Variants in SLC13A1 observed in about 807,000 individuals in gnomAD.
SLC13A1 encodes solute carrier family 13 member 1.
In SLC13A1, 65 loss-of-function variants were observed where a neutral mutation model predicts 70.0. The ratio of observed to expected loss-of-function variants is 0.93; its 90% CI spans 0.76 to 1.14. The LOEUF is 1.14. SLC13A1 is among the 50% of genes most tolerant of loss of function. SLC13A1 has a pLI of 0.00. For missense variants in SLC13A1, 726 were observed against 717.8 expected (o/e 1.01, Z -0.13); for synonymous variants, 275 against 250.5 (o/e 1.10, Z -0.92).
intron 6 of SLC13A1, among the ~76,000 whole-genome samples, chr7:123,159,860 A>T (rs1794828349): frequency 6.6e-6 from 1 of 152,180 alleles, no homozygotes; most frequent in African/African-American, 2.4e-5. Flanking sequence ...AAAGAGATAC[A>T]CCTAAAATAT....
At chr7:123,181,561 CCTT>C (rs1200211242) in intron 1 of SLC13A1, among the ~76,000 whole-genome samples, 1 of 152,108 alleles carries the variant, frequency 6.6e-6, no homozygotes, top group Non-Finnish European at 1.5e-5. Flanking sequence ...GCCTTCCTCT[CCTT>C]CTAACTAAAA....
chr7:123,180,964 A>G lies in SLC13A1; in HGVS notation c.228+9T>C. ...GAAATCAACTTATGACATTGGCAAG[A>G]GGACTTACCTTCTTAGAAGGCATGA... is the stretch of plus-strand genomic sequence containing the variant. On this transcript the variant is annotated intron_variant, in intron 2 of 14. Transcript: ENST00000194130. 3.1e-6 allele frequency: 5 copies of G among 1,604,768 alleles called. No individual in the cohort carries two copies. Among genetic ancestry groups the G allele is most frequent in the Non-Finnish European group, 4.3e-6 (5 of 1,175,494 alleles).
intron 11 of SLC13A1, among the ~76,000 whole-genome samples, chr7:123,124,857 G>A (rs1793506184): frequency 6.6e-6 from 1 of 152,120 alleles, no homozygotes; most frequent in Admixed American, 6.5e-5. Flanking sequence ...CCAGGGCAGT[G>A]GCACAATCAT....
chr7:123,148,855 T>G (rs1794455496), intron 6 of SLC13A1, among the ~76,000 whole-genome samples: 1 of 152,124 alleles, frequency 6.6e-6, no homozygotes, highest in Non-Finnish European at 1.5e-5. Flanking sequence ...TTTTAAACCT[T>G]CAACATTTGG....
chr7:123,170,114 T>A (rs1795219950), intron 3 of SLC13A1, among the ~76,000 whole-genome samples: 1 of 152,090 alleles, frequency 6.6e-6, no homozygotes, highest in African/African-American at 2.4e-5. Context: ...GGGAAAAAAA[T>A]GATCTCTTTT....
intron 6 of SLC13A1, among the ~76,000 whole-genome samples, chr7:123,150,921 A>C (rs1585336454): frequency 6.6e-6 from 1 of 152,072 alleles, no homozygotes; most frequent in Admixed American, 6.6e-5. Flanking sequence ...TTCTCCTTTA[A>C]AAATATCTTA....
intron 11 of SLC13A1, among the ~76,000 whole-genome samples, chr7:123,125,368 T>G (rs1240721200): frequency 6.6e-6 from 1 of 152,170 alleles, no homozygotes; most frequent in Admixed American, 6.6e-5. Flanking sequence ...TTCTCACTTC[T>G]GCAAAGTAAG....
chr7:123,166,045 C>G (rs553772492), intron 6 of SLC13A1, among the ~76,000 whole-genome samples: 1 of 152,120 alleles, frequency 6.6e-6, no homozygotes, highest in South Asian at 2.1e-4. Flanking sequence ...TATACTTCCT[C>G]GCTGCAGTAC....
chr7:123,165,999 A>T (rs539965770), intron 6 of SLC13A1, among the ~76,000 whole-genome samples: 36 of 152,066 alleles, frequency 2.4e-4, no homozygotes, highest in African/African-American at 8.4e-4. Context: ...CTGCTTGCAC[A>T]TGCTCTCGTC....
chr7:123,169,371 C>A, intron 3 of SLC13A1, 36 bp from the exon 4 acceptor site: 1 of 1,572,892 alleles, frequency 6.4e-7, no homozygotes, highest in South Asian at 1.1e-5. Context: ...GAGCTGTGCT[C>A]TTAGCTTAAC....
At chr7:123,187,328 GC>G (rs1795836032) in intron 1 of SLC13A1, among the ~76,000 whole-genome samples, 1 of 151,920 alleles carries the variant, frequency 6.6e-6, no homozygotes, top group African/African-American at 2.4e-5. Context: ...TATATTAGAA[GC>G]TTTTTAGCAG....
chr7:123,135,435 A>G (rs1177065914), intron 7 of SLC13A1, among the ~76,000 whole-genome samples: 1 of 152,148 alleles, frequency 6.6e-6, no homozygotes, highest in African/African-American at 2.4e-5. Context: ...AAAAGCAATA[A>G]CATAAAGATA....
chr7:123,167,201 C>A (rs1013606253), intron 6 of SLC13A1, among the ~76,000 whole-genome samples: 2 of 152,124 alleles, frequency 1.3e-5, no homozygotes, highest in Non-Finnish European at 2.9e-5. Flanking sequence ...TGGGTATATA[C>A]CCAAAGGATT....
rs1008359713 is a variant in SLC13A1, at chr7:123,125,792, G to A, written c.1134-117C>T. On this transcript the variant is annotated intron_variant, in intron 10 of 14. Transcript: ENST00000194130. The stretch of plus-strand genomic sequence containing the variant: ...GTTATTATCAGTAGTAGGTGGTGTA[G>A]GTTATTTATCCTCAATAATCTGCCC... The A allele has an allele frequency of 7.6e-5, 54 of 706,844 alleles. 1 individual carries two copies. The highest frequency in any genetic ancestry group is 1.3e-4 in the Non-Finnish European group (52 of 404,424). The allele number at this position is 706,844 out of a possible 1,614,324, so 43.8% of individuals were successfully genotyped here.
intron 6 of SLC13A1, among the ~76,000 whole-genome samples, chr7:123,166,018 C>A (rs949477450): frequency 6.6e-6 from 1 of 152,016 alleles, no homozygotes; most frequent in Non-Finnish European, 1.5e-5. Flanking sequence ...TCTTTCCAGA[C>A]TCAAATGTCT....
intron 6 of SLC13A1, among the ~76,000 whole-genome samples, chr7:123,162,248 A>C (rs2140515): frequency 0.28 from 41,907 of 152,040 alleles, 6,034 homozygotes; most frequent in East Asian, 0.38. Context: ...ATTTCATAAA[A>C]TAAAGATATA....
intron 7 of SLC13A1, among the ~76,000 whole-genome samples, chr7:123,139,450 A>G (rs1794059552): frequency 6.6e-6 from 1 of 151,848 alleles, no homozygotes; most frequent in Non-Finnish European, 1.5e-5. Context: ...TATTTCTGTG[A>G]AGAATGTCAT....
chr7:123,124,323 T>A (rs1793486732), intron 11 of SLC13A1, among the ~76,000 whole-genome samples: 1 of 152,130 alleles, frequency 6.6e-6, no homozygotes. Flanking sequence ...TCAGAGTCCT[T>A]GGGGTCCCAT....
chr7:123,171,981 C>CAA, intron 2 of SLC13A1, 77 bp from the exon 3 acceptor site: 1 of 1,385,626 alleles, frequency 7.2e-7, no homozygotes, highest in Non-Finnish European at 1.0e-6. Context: ...CATTATTATG[C>CAA]TGCTCTTAAT....
Sources: gnomAD v4.1 joint callset for allele counts (sites outside exome capture counted in the v4.1 genomes callset) on GRCh38, gnomAD v4.1.1 for gene constraint, MANE v1.5 for transcripts, NCBI Gene and HGNC (gene_info 2026-07-23, HGNC 2026-07-21) for gene names.